The following CCSER1 variants were observed in gnomAD, a reference collection of about 807,000 sequenced individuals.
The protein encoded by CCSER1 is coiled-coil serine rich protein 1, also known as serine-rich coiled-coil domain-containing protein 1.
Under a neutral mutation model 82.0 loss-of-function variants are expected in CCSER1, and 41 were observed. The observed-to-expected ratio is 0.50, with a 90% confidence interval of 0.39 to 0.65. The LOEUF is 0.65. CCSER1 is among the 30% of genes least tolerant of loss of function. The probability of loss-of-function intolerance (pLI) is 0.00; values close to 1 mark genes in which losing one functional copy is unlikely to be tolerated. For synonymous variants in CCSER1, 414 were observed against 383.9 expected, an observed-to-expected ratio of 1.08 and a Z score of -0.92; for missense variants, 1,119 against 1,064.2, an observed-to-expected ratio of 1.05 and a Z score of -0.72.
intron 10 of CCSER1, among the ~76,000 whole-genome samples, chr4:91,477,058 AT>A (rs1248496802): frequency 6.6e-6 from 1 of 151,734 alleles, no homozygotes; most frequent in East Asian, 1.9e-4. Flanking sequence ...AAAAGCAAAA[AT>A]TGACAAATGG....
At chr4:91,582,440 C>T (rs563905697) in intron 10 of CCSER1, among the ~76,000 whole-genome samples, 1 of 151,678 alleles carries the variant, frequency 6.6e-6, no homozygotes, top group Admixed American at 6.6e-5. Flanking sequence ...CAGTCTTTCA[C>T]AGCTCTATAT....
intron 7 of CCSER1, among the ~76,000 whole-genome samples, chr4:90,771,741 A>T (rs571371621): frequency 6.6e-6 from 1 of 152,188 alleles, no homozygotes; most frequent in East Asian, 1.9e-4. Context: ...GGCATGGGAA[A>T]TTGGCTTTCT....
intron 5 of CCSER1, among the ~76,000 whole-genome samples, chr4:90,596,645 A>G (rs1299820370): frequency 6.6e-6 from 1 of 151,912 alleles, no homozygotes; most frequent in Non-Finnish European, 1.5e-5. Flanking sequence ...TAAAAGAAGG[A>G]TTCAATTCTC....
chr4:91,037,234 A>T (rs28534596), intron 9 of CCSER1, among the ~76,000 whole-genome samples: 20 of 19,878 alleles, frequency 1.0e-3, no homozygotes, highest in African/African-American at 1.9e-3. Flanking sequence ...TATCTCTGTC[A>T]CACACACACA....
At chr4:90,368,875 T>C (rs1485012325) in intron 3 of CCSER1, among the ~76,000 whole-genome samples, 1 of 151,990 alleles carries the variant, frequency 6.6e-6, no homozygotes, top group Non-Finnish European at 1.5e-5. Flanking sequence ...TATCAATCAT[T>C]ATTAGAAGCA....
rs562491588 is a variant in CCSER1, at chr4:90,421,677, G to T, written c.1603+21548G>T. ...TATCCTTATATCTATGTAGTCTTTT[G>T]CAAGAACCTGGGGAAAGAATATGGG... On this transcript the variant is annotated intron_variant, in intron 4 of 10. Transcript: ENST00000509176. 2.0e-4 allele frequency among the ~76,000 whole-genome samples: 30 copies of T among 152,216 alleles called. No individual in the cohort carries two copies. In the East Asian group the frequency reaches 2.1e-3, roughly 11 times the overall value.
At chr4:90,146,025 GAA>G (rs1228675106) in intron 1 of CCSER1, among the ~76,000 whole-genome samples, 4 of 151,916 alleles carry the variant, frequency 2.6e-5, no homozygotes, top group African/African-American at 9.7e-5. Flanking sequence ...TATTATCTAT[GAA>G]TTAATACTCT....
rs562768062 is a variant in CCSER1, at chr4:90,769,690, A to G, written c.2010+45699A>G. On this transcript the variant is annotated intron_variant, in intron 7 of 10. Coordinates refer to ENST00000509176, the MANE Select transcript of CCSER1 (RefSeq NM_001145065.2). ...AGACGAAGAGGGATTATATTCAAGGATATGTATTTATGGAACTAGACCTGA... is the reference window on the plus strand; with the variant it reads ...AGACGAAGAGGGATTATATTCAAGGGTATGTATTTATGGAACTAGACCTGA... Among the ~76,000 whole-genome samples the G allele has an allele frequency of 2.6e-5, 4 of 152,270 alleles. No individual in the cohort carries two copies. The East Asian group carries it at 7.7e-4, about 29-fold the overall frequency.
chr4:91,231,091 T>C (rs545568915), intron 10 of CCSER1, among the ~76,000 whole-genome samples: 127 of 151,886 alleles, frequency 8.4e-4, no homozygotes, highest in Non-Finnish European at 1.7e-3. Flanking sequence ...AGCTACCATA[T>C]TAATGAGAAT....
At chr4:90,409,153 A>G (rs192307227) in intron 4 of CCSER1, among the ~76,000 whole-genome samples, 1 of 152,358 alleles carries the variant, frequency 6.6e-6, no homozygotes, top group Non-Finnish European at 1.5e-5. Flanking sequence ...TCTACATCTA[A>G]TTGGTGTACC....
intron 10 of CCSER1, among the ~76,000 whole-genome samples, chr4:91,428,660 G>C (rs1268636247): frequency 6.6e-6 from 1 of 151,838 alleles, no homozygotes; most frequent in African/African-American, 2.4e-5. Context: ...TTCATGCCCT[G>C]TGTGTAATTA....
intron 10 of CCSER1, among the ~76,000 whole-genome samples, chr4:91,364,763 C>T (rs1260676196): frequency 2.0e-5 from 3 of 152,064 alleles, no homozygotes; most frequent in African/African-American, 7.2e-5. Context: ...ATTGCATTTC[C>T]ACCAAATTTT....
chr4:91,433,296 C>T (rs1016558003), intron 10 of CCSER1, among the ~76,000 whole-genome samples: 3 of 152,118 alleles, frequency 2.0e-5, no homozygotes, highest in Non-Finnish European at 2.9e-5. Context: ...ATTCTTATCA[C>T]CTAGTGACAC....
chr4:90,869,908 G>C (rs575154730), intron 8 of CCSER1, among the ~76,000 whole-genome samples: 1 of 151,670 alleles, frequency 6.6e-6, no homozygotes, highest in African/African-American at 2.4e-5. Context: ...TTTTATTGTA[G>C]AGATATTTTA....
intron 5 of CCSER1, among the ~76,000 whole-genome samples, chr4:90,572,439 T>G (rs1465412916): frequency 6.6e-6 from 1 of 152,154 alleles, no homozygotes; most frequent in Non-Finnish European, 1.5e-5. Context: ...TCCTATTATG[T>G]TTCTCTTCTT....
rs545962914 is a variant in CCSER1, at chr4:91,115,466, A to G, written c.2217+29472A>G. ...CTCAGACTACCAAGTGGTTGGGACT[A>G]CAGGTGTGCGCCACCATGCCCGGCT... On this transcript the variant is annotated intron_variant, in intron 10 of 10. Coordinates refer to ENST00000509176, the MANE Select transcript of CCSER1 (RefSeq NM_001145065.2). Among the ~76,000 whole-genome samples, 19 of 152,134 alleles carry G rather than the reference A, an allele frequency of 1.2e-4. 1 individual carries two copies. The South Asian group carries it at 4.0e-3, about 32-fold the overall frequency.
chr4:91,551,655 A>AC (rs1762162286), intron 10 of CCSER1, among the ~76,000 whole-genome samples: 6 of 99,348 alleles, frequency 6.0e-5, no homozygotes, highest in South Asian at 7.6e-4. Context: ...GGCAAAAAAC[A>AC]AACACACACA....
At chr4:90,719,264 T>C (rs1742258015) in intron 6 of CCSER1, among the ~76,000 whole-genome samples, 2 of 152,096 alleles carry the variant, frequency 1.3e-5, no homozygotes, top group South Asian at 4.1e-4. Flanking sequence ...TGAATGCTCC[T>C]TATGAGATTC....
Position 91,323,004 on chromosome 4 carries a change from T to C in CCSER1, c.2217+237010T>C, listed in dbSNP as rs111810459. Reference sequence around the variant, plus strand: ...TTTTCTCTTTTAAGATACAGTAAGATCTGCTGAGAGAGGAAAGCCCAAAAT... The same window carrying C: ...TTTTCTCTTTTAAGATACAGTAAGACCTGCTGAGAGAGGAAAGCCCAAAAT... On this transcript the variant is annotated intron_variant, in intron 10 of 10. Transcript: ENST00000509176. Among the ~76,000 whole-genome samples the C allele has an allele frequency of 5.3e-5, 8 of 152,256 alleles. 1 individual carries two copies. The highest frequency in any genetic ancestry group is 1.9e-4 in the African/African-American group (8 of 41,570).
Sources: allele counts gnomAD v4.1 joint callset (sites outside exome capture counted in the v4.1 genomes callset), GRCh38; gene constraint gnomAD v4.1.1; transcripts MANE v1.5; gene names NCBI Gene and HGNC (gene_info 2026-07-23, HGNC 2026-07-21).